Variants in C14orf132 observed in about 807,000 individuals in gnomAD.
C14orf132 encodes uncharacterized protein C14orf132.
In C14orf132, 6 loss-of-function variants were observed where a neutral mutation model predicts 5.8. The ratio of observed to expected loss-of-function variants is 1.03; its 90% confidence interval spans 0.57 to 2.04. The LOEUF is 2.04. Among genes scored for constraint, C14orf132 ranks in the 30% most tolerant of loss-of-function variants. The probability of loss-of-function intolerance (pLI) is 0.00; values close to 1 mark genes in which losing one functional copy is unlikely to be tolerated. For synonymous variants in C14orf132, 51 were observed against 49.8 expected (o/e 1.02, Z -0.10); for missense variants, 125 against 115.8 (o/e 1.08, Z -0.37).
chr14:96,041,307 G>A (rs1886689060), intron 1 of C14orf132, among the ~76,000 whole-genome samples: 1 of 152,158 alleles, frequency 6.6e-6, no homozygotes, highest in African/African-American at 2.4e-5. Flanking sequence ...CCATGACGGA[G>A]GCCCCATTTT....
intron 1 of C14orf132, among the ~76,000 whole-genome samples, chr14:96,077,535 GGTGGCCACCT>G (rs1208854089): frequency 7.2e-5 from 11 of 152,284 alleles, no homozygotes; most frequent in African/African-American, 2.6e-4. Flanking sequence ...ACAGGGAGAA[GGTGGCCACCT>G]GCAAGCCAAC....
chr14:96,072,449 C>T (rs1421269770), intron 1 of C14orf132, among the ~76,000 whole-genome samples: 1 of 152,194 alleles, frequency 6.6e-6, no homozygotes, highest in Non-Finnish European at 1.5e-5. Context: ...TGCCACAGTG[C>T]CTGGCTCAGA....
At chr14:96,066,155 C>G (rs1887521434) in intron 1 of C14orf132, among the ~76,000 whole-genome samples, 3 of 152,140 alleles carry the variant, frequency 2.0e-5, no homozygotes, top group Non-Finnish European at 4.4e-5. Context: ...TCTTAGCCAG[C>G]CTCCTCTGAA....
rs1316663116 is a variant in C14orf132, at chr14:96,089,144, C to T, written c.*2409C>T. On this transcript the variant is annotated 3_prime_UTR_variant, in exon 2 of 2. Coordinates refer to ENST00000555004, the MANE Select transcript of C14orf132 (RefSeq NM_001252507.3). ...AAATAACAATGAAGATAGATATGCC[C>T]ATTAGTGTCTGATTAAGGAGCAAAG... The T allele has an allele frequency of 6.6e-6, 1 of 152,194 alleles. No individual in the cohort carries two copies. Among genetic ancestry groups the T allele is most frequent in the Admixed American group, 6.5e-5 (1 of 15,284 alleles). The allele number at this position is 152,194 out of a possible 1,614,324, so 9.4% of individuals were successfully genotyped here. A position where few individuals can be genotyped will look rare whatever the true frequency, so the allele number is the denominator to read the frequency against.
At chr14:96,071,312 C>A (rs1237282594) in intron 1 of C14orf132, among the ~76,000 whole-genome samples, 2 of 152,066 alleles carry the variant, frequency 1.3e-5, no homozygotes, top group African/African-American at 2.4e-5. Flanking sequence ...GATCCAATTA[C>A]CCCCCACCAG....
intron 1 of C14orf132, among the ~76,000 whole-genome samples, chr14:96,052,836 T>C (rs539754404): frequency 2.0e-5 from 3 of 152,204 alleles, no homozygotes; most frequent in South Asian, 2.1e-4. Context: ...AACGATTCCA[T>C]GGTGTGAACC....
Position 96,087,001 on chromosome 14 carries a change from C to T in C14orf132, c.*266C>T. The T allele has an allele frequency of 1.9e-6, 1 of 523,844 alleles. No homozygotes were observed. The highest frequency in any genetic ancestry group is 3.4e-6 in the Non-Finnish European group (1 of 293,352). The allele number at this position is 523,844 out of a possible 1,614,324, so 32.4% of individuals were successfully genotyped here. On this transcript the variant is annotated 3_prime_UTR_variant, in exon 2 of 2. Transcript: ENST00000555004. ...GAGGGCAGATTGGGGATCCTTGAAACTACATTCCAGGAACATGGGACCAGA... is the reference window on the plus strand; with the variant it reads ...GAGGGCAGATTGGGGATCCTTGAAATTACATTCCAGGAACATGGGACCAGA...
chr14:96,045,789 ACTTAATGG>A (rs888444002), intron 1 of C14orf132, among the ~76,000 whole-genome samples: 3 of 152,256 alleles, frequency 2.0e-5, no homozygotes, highest in African/African-American at 7.2e-5. Flanking sequence ...GACTTCAGTT[ACTTAATGG>A]CTTAAAGCAA....
At chr14:96,080,403 C>T (rs184603853) in intron 1 of C14orf132, among the ~76,000 whole-genome samples, 31 of 152,300 alleles carry the variant, frequency 2.0e-4, no homozygotes, top group East Asian at 9.7e-4. Flanking sequence ...TGCTGCAGAA[C>T]GGGCTCAGCC....
chr14:96,068,968 G>A (rs1047121206), intron 1 of C14orf132, among the ~76,000 whole-genome samples: 26 of 151,796 alleles, frequency 1.7e-4, no homozygotes, highest in Non-Finnish European at 3.7e-4. Context: ...TTTATCTCCT[G>A]CCTGCCTGCT....
chr14:96,044,509 A>C (rs1886782702), intron 1 of C14orf132, among the ~76,000 whole-genome samples: 1 of 152,214 alleles, frequency 6.6e-6, no homozygotes, highest in African/African-American at 2.4e-5. Flanking sequence ...TTCTTGAACC[A>C]ATCTCTATTA....
chr14:96,086,451 C>T, intron 1 of C14orf132, 60 bp from the exon 2 acceptor site: 2 of 1,461,150 alleles, frequency 1.4e-6, no homozygotes, highest in African/African-American at 1.4e-5. Flanking sequence ...TTCCCTTTTG[C>T]AGGGTACATC....
chr14:96,075,098 ATGT>A (rs1310103089), intron 1 of C14orf132, among the ~76,000 whole-genome samples: 2 of 152,150 alleles, frequency 1.3e-5, no homozygotes, highest in African/African-American at 4.8e-5. Context: ...TTTCATCAGT[ATGT>A]TGTTTTCAGC....
At chr14:96,040,450 G>A (rs1285981075) in intron 1 of C14orf132, 1 of 392,554 alleles carries the variant, frequency 2.5e-6, no homozygotes, top group East Asian at 3.6e-5. Flanking sequence ...GAGGTCGGGA[G>A]GCCACCCAGG....
chr14:96,078,232 C>T (rs1197042393), intron 1 of C14orf132, among the ~76,000 whole-genome samples: 1 of 152,254 alleles, frequency 6.6e-6, no homozygotes, highest in Non-Finnish European at 1.5e-5. Flanking sequence ...GCTGCCATCG[C>T]AACCGTGGCA....
rs576516819 is a variant in C14orf132, at chr14:96,091,157, C to A, written c.*4422C>A. The A allele has an allele frequency of 7.7e-6, 3 of 391,894 alleles. No homozygotes were observed. Among genetic ancestry groups the A allele is most frequent in the South Asian group, 1.9e-5 (1 of 51,876 alleles). The allele number at this position is 391,894 out of a possible 1,614,324, so 24.3% of individuals were successfully genotyped here. ...TGATTCAGACCCAGTTCTGTCAGCT[C>A]TAGAGGCACCCTGCATCATGCCCAC... On this transcript the variant is annotated 3_prime_UTR_variant, in exon 2 of 2. Coordinates refer to ENST00000555004, the MANE Select transcript of C14orf132 (RefSeq NM_001252507.3).
chr14:96,045,641 A>T (rs1273791501), intron 1 of C14orf132, among the ~76,000 whole-genome samples: 1 of 152,246 alleles, frequency 6.6e-6, no homozygotes, highest in Non-Finnish European at 1.5e-5. Flanking sequence ...TTCTGTGTTT[A>T]AAAGAAAGCT....
chr14:96,063,304 TTTTG>T (rs546759941), intron 1 of C14orf132, among the ~76,000 whole-genome samples: 3 of 152,082 alleles, frequency 2.0e-5, no homozygotes, highest in Non-Finnish European at 2.9e-5. Context: ...TGTGGTATCC[TTTTG>T]TTTGTTTGTT....
chr14:96,050,741 C>T (rs777938943), intron 1 of C14orf132, among the ~76,000 whole-genome samples: 6 of 151,950 alleles, frequency 3.9e-5, no homozygotes, highest in Non-Finnish European at 8.8e-5. Context: ...GGCAGTAAAC[C>T]GGAGCACCTG....
Sources: gnomAD v4.1 joint callset for allele counts (sites outside exome capture counted in the v4.1 genomes callset) on GRCh38, gnomAD v4.1.1 for gene constraint, MANE v1.5 for transcripts, NCBI Gene and HGNC (gene_info 2026-07-23, HGNC 2026-07-21) for gene names.